SIK3: variants seen among roughly 807,000 people sequenced by gnomAD.
The protein encoded by SIK3 is serine/threonine-protein kinase SIK3.
SIK3 carries 28 observed loss-of-function variants against 144.2 expected under a neutral mutation model. That is an observed-to-expected ratio of 0.19 (90% CI 0.14 to 0.27). The LOEUF is 0.27. Among genes scored for constraint, SIK3 ranks in the 10% least tolerant of loss-of-function variants. The pLI is 1.00. For synonymous variants in SIK3, 686 were observed against 676.3 expected, an observed-to-expected ratio of 1.01 and a Z score of -0.22; for missense variants, 1,319 against 1,776.0, an observed-to-expected ratio of 0.74 and a Z score of 4.62.
intron 1 of SIK3, among the ~76,000 whole-genome samples, chr11:117,084,615 T>C (rs962390748): frequency 3.9e-5 from 6 of 152,182 alleles, no homozygotes; most frequent in Non-Finnish European, 5.9e-5. Flanking sequence ...ACTGTTTTTT[T>C]CCCAAACCTA....
intron 1 of SIK3, among the ~76,000 whole-genome samples, chr11:117,067,263 A>G (rs1198432550): frequency 6.6e-6 from 1 of 152,172 alleles, no homozygotes; most frequent in Admixed American, 6.5e-5. Context: ...AAGCAAGAAA[A>G]CCAGACACAA....
chr11:116,867,805 G>A lies in SIK3; in HGVS notation c.1952+141C>T, dbSNP rs895855445. 1.2e-6 allele frequency: 1 copy of A among 836,616 alleles called. No homozygotes were observed. Among genetic ancestry groups the A allele is most frequent in the Non-Finnish European group, 1.8e-6 (1 of 559,526 alleles). 51.8% of individuals were successfully genotyped at this position (836,616 alleles called of 1,614,324 possible). On this transcript the variant is annotated intron_variant, in intron 15 of 24. Coordinates refer to ENST00000445177, the MANE Select transcript of SIK3 (RefSeq NM_001366686.3). This position sits in a 1 kb window ranked among gnomAD's most constrained non-coding sequence, Gnocchi z 4.1. Reference sequence around the variant, plus strand: ...TGCCCTGTGCATTGCTTACTGCAAGGAGCTGAGAAGATGTGAGTTCAGGAT... The same window carrying A: ...TGCCCTGTGCATTGCTTACTGCAAGAAGCTGAGAAGATGTGAGTTCAGGAT...
chr11:116,868,163 T>A, intron 14 of SIK3, 74 bp from the exon 15 acceptor site: 2 of 1,536,174 alleles, frequency 1.3e-6, no homozygotes, highest in Non-Finnish European at 1.8e-6. Context: ...GCATTAGAAG[T>A]TAATCCAAAG....
intron 21 of SIK3, among the ~76,000 whole-genome samples, chr11:116,856,072 A>C (rs1000872741): frequency 6.6e-6 from 1 of 151,882 alleles, no homozygotes; most frequent in Non-Finnish European, 1.5e-5. Flanking sequence ...TGGCGGGCAC[A>C]TGTAGTCCCA....
intron 4 of SIK3, among the ~76,000 whole-genome samples, chr11:116,926,621 ATATTT>A (rs1947287973): frequency 1.3e-5 from 2 of 152,198 alleles, no homozygotes; most frequent in African/African-American, 4.8e-5. Context: ...ACTTTATTAC[ATATTT>A]TATTTCTTAT....
At chr11:116,957,160 T>C (rs921021185) in intron 1 of SIK3, 96 bp from the exon 2 acceptor site, 33 of 575,822 alleles carry the variant, frequency 5.7e-5, no homozygotes, top group Non-Finnish European at 7.8e-5. Context: ...TTCCATAAAA[T>C]ATAAGCTGCC....
chr11:117,031,037 T>A (rs1217850051), intron 1 of SIK3, among the ~76,000 whole-genome samples: 1 of 152,220 alleles, frequency 6.6e-6, no homozygotes, highest in East Asian at 1.9e-4. Flanking sequence ...GAGTTATTTA[T>A]ATATTCTAGA....
chr11:117,077,711 GA>G (rs969584596), intron 1 of SIK3, among the ~76,000 whole-genome samples: 8 of 149,672 alleles, frequency 5.3e-5, no homozygotes, highest in South Asian at 2.1e-4. Context: ...TAGCATTGAG[GA>G]AAAAAAAAAT....
In SIK3 at chr11:116,859,422, G is replaced by A; in HGVS notation, c.2608C>T (p.Pro870Ser). 1.2e-6 allele frequency: 2 copies of A among 1,614,210 alleles called. No individual in the cohort carries two copies. The highest frequency in any genetic ancestry group is 1.1e-5 in the South Asian group (1 of 91,084). Residue 870 changes from proline (P) to serine (S), a missense_variant, in exon 20 of 25, where the codon CCA becomes TCA. Transcript: ENST00000445177. ...QEPVDMLSNM[P>S]GTAAGSSGRG... is the part of the protein sequence containing the mutation. ...CCACTGGAGCCTGCAGCTGTGCCTG[G>A]CATGTTGCTGAGCATGTCAACAGGC...
At chr11:117,052,986 A>C (rs1014425987) in intron 1 of SIK3, among the ~76,000 whole-genome samples, 1 of 152,186 alleles carries the variant, frequency 6.6e-6, no homozygotes, top group African/African-American at 2.4e-5. Flanking sequence ...GATGACACAA[A>C]GATGATTAAA....
At chr11:116,949,281 G>C (rs1948818477) in intron 3 of SIK3, among the ~76,000 whole-genome samples, 1 of 152,184 alleles carries the variant, frequency 6.6e-6, no homozygotes, top group South Asian at 2.1e-4. Flanking sequence ...TGATTCCTCT[G>C]GAACAGGCAG....
rs1481285320 is a variant in SIK3 at position 116,845,395 on chromosome 11, C to T, written c.*248G>A. 2 of 152,220 alleles carry T rather than the reference C, an allele frequency of 1.3e-5. No homozygotes were observed. The highest frequency in any genetic ancestry group is 4.8e-5 in the African/African-American group (2 of 41,446). 9.4% of individuals were successfully genotyped at this position (152,220 alleles called of 1,614,324 possible). ...AACCACCAACTCAAATATACTTTCA[C>T]AAAAGATGGAGAACATGGATTTCCT... On this transcript the variant is annotated 3_prime_UTR_variant, in exon 25 of 25. Coordinates refer to ENST00000445177, the MANE Select transcript of SIK3 (RefSeq NM_001366686.3).
Position 116,863,734 on chromosome 11 carries a change from G to GCT in SIK3, c.2035_2036dup (p.Ser679ArgfsTer96). On this transcript the variant is annotated frameshift_variant, in exon 16 of 25. Coordinates refer to ENST00000445177, the MANE Select transcript of SIK3 (RefSeq NM_001366686.3). LOFTEE classifies it high-confidence loss of function. ...CCAGGTGAGCTTTGAAGGCCTGGAT[G>GCT]CTCGCAGCCCCATCTGAGAACCGGC... The GCT allele has an allele frequency of 6.2e-7, 1 of 1,614,156 alleles. No homozygotes were observed. Among genetic ancestry groups the GCT allele is most frequent in the Non-Finnish European group, 8.5e-7 (1 of 1,180,028 alleles).
intron 1 of SIK3, among the ~76,000 whole-genome samples, chr11:117,093,984 C>T (rs1210927701): frequency 4.6e-5 from 7 of 152,100 alleles, no homozygotes; most frequent in East Asian, 1.9e-4. Context: ...GTAATATTTA[C>T]GTCATGCTAT....
At chr11:116,950,725 A>G (rs1948895627) in intron 3 of SIK3, among the ~76,000 whole-genome samples, 1 of 152,250 alleles carries the variant, frequency 6.6e-6, no homozygotes, top group Non-Finnish European at 1.5e-5. Flanking sequence ...TCGCAAATAA[A>G]GCCAACTGGG....
intron 6 of SIK3, among the ~76,000 whole-genome samples, chr11:116,891,935 A>G (rs1176195373): frequency 1.3e-5 from 2 of 152,208 alleles, no homozygotes. Context: ...GTGAGAGAGG[A>G]AACATCAAGG....
intron 3 of SIK3, among the ~76,000 whole-genome samples, chr11:116,936,933 T>C (rs1317514439): frequency 2.0e-5 from 3 of 152,218 alleles, no homozygotes; most frequent in African/African-American, 7.2e-5. Context: ...AGCTGAACTT[T>C]GGAATTCAAG....
intron 1 of SIK3, among the ~76,000 whole-genome samples, chr11:116,971,014 TACC>T (rs1481707625): frequency 1.3e-5 from 2 of 152,308 alleles, no homozygotes; most frequent in Non-Finnish European, 2.9e-5. Flanking sequence ...AAACTGCATT[TACC>T]ACATTTGAGA....
chr11:117,028,720 C>T (rs1952129661), intron 1 of SIK3, among the ~76,000 whole-genome samples: 1 of 151,996 alleles, frequency 6.6e-6, no homozygotes, highest in African/African-American at 2.4e-5. Flanking sequence ...GACTGGGAGC[C>T]ATATCAGGCA....
Sources: allele counts gnomAD v4.1 joint callset (sites outside exome capture counted in the v4.1 genomes callset), GRCh38; gene constraint gnomAD v4.1.1; non-coding constraint Gnocchi (gnomAD v3.1); transcripts MANE v1.5; gene names NCBI Gene and HGNC (gene_info 2026-07-23, HGNC 2026-07-21).